Variants in SYNE3 observed in about 807,000 individuals in gnomAD.
The protein encoded by SYNE3 is spectrin repeat containing nuclear envelope family member 3.
Under a neutral mutation model 111.2 loss-of-function variants are expected in SYNE3, and 100 were observed. The ratio of observed to expected loss-of-function variants is 0.90; its 90% CI spans 0.77 to 1.06. SYNE3 has a LOEUF of 1.06. Among genes scored for constraint, SYNE3 ranks in the 50% least tolerant of loss-of-function variants. SYNE3 has a pLI of 0.00. For synonymous variants in SYNE3, 547 were observed against 533.9 expected (o/e 1.02, Z -0.34); for missense variants, 1,160 against 1,240.3 (o/e 0.94, Z 0.97).
Position 95,467,934 on chromosome 14 carries a change from T to G in SYNE3, c.178A>C (p.Arg60=). The change falls in exon 3 of 18, where the codon AGG becomes CGG. Residue 60 remains arginine (R), a synonymous_variant. Transcript: ENST00000682763. ...GCCATCCGTAGCACGAGGTCCACCC[T>G]CACACGCCCCTCGGGCTCCAGCTGG... ...ICQLEPEGRV[R]VDLVLRMAEA... The G allele has an allele frequency of 6.2e-7, 1 of 1,613,460 alleles. No individual in the cohort carries two copies. The highest frequency in any genetic ancestry group is 8.5e-7 in the Non-Finnish European group (1 of 1,179,518).
At chr14:95,440,750 T>C (rs575125303) in intron 11 of SYNE3, among the ~76,000 whole-genome samples, 2 of 152,258 alleles carry the variant, frequency 1.3e-5, no homozygotes, top group East Asian at 3.9e-4. Context: ...GCGGGAAGCA[T>C]GAAGTCAGAG....
chr14:95,419,284 A>C (rs760372997), intron 17 of SYNE3, among the ~76,000 whole-genome samples: 1 of 152,134 alleles, frequency 6.6e-6, no homozygotes, highest in Non-Finnish European at 1.5e-5. Flanking sequence ...CAGCTATGTG[A>C]CCTTGGGCAA....
At position 95,414,681 on chromosome 14, in the gene SYNE3, T is replaced by TGA. The variant is rs1360395365; in HGVS notation, c.*3144_*3145insTC. 4 of 135,484 alleles carry TGA rather than the reference T, an allele frequency of 3.0e-5. No individual in the cohort carries two copies. Among genetic ancestry groups the TGA allele is most frequent in the African/African-American group, 5.9e-5 (2 of 33,644 alleles). 8.4% of individuals were successfully genotyped at this position (135,484 alleles called of 1,614,324 possible). A position where few individuals can be genotyped will look rare whatever the true frequency, so the allele number is the denominator to read the frequency against. ...CTCCTCTCCTTCCCTCCTCTCTCTC[T>TGA]CTCTGACACACACACACACACACAC... On this transcript the variant is annotated 3_prime_UTR_variant, in exon 18 of 18. Transcript: ENST00000682763.
At chr14:95,427,528 A>C (rs1052070824) in intron 17 of SYNE3, among the ~76,000 whole-genome samples, 15 of 152,136 alleles carry the variant, frequency 9.9e-5, no homozygotes, top group Non-Finnish European at 4.4e-5. Context: ...TGAAAGTACT[A>C]AAAGTCTCTG....
intron 1 of SYNE3, among the ~76,000 whole-genome samples, chr14:95,495,559 T>G (rs562446663): frequency 6.6e-6 from 1 of 152,294 alleles, no homozygotes; most frequent in South Asian, 2.1e-4. Flanking sequence ...AAGGCCCCCA[T>G]CAACCTTCAA....
rs1042381653 is a variant in SYNE3, at chr14:95,470,997, A to G, written c.145-3030T>C. On this transcript the variant is annotated intron_variant, in intron 2 of 17. Coordinates refer to ENST00000682763, the MANE Select transcript of SYNE3 (RefSeq NM_152592.6). This position sits in a 1 kb window ranked among gnomAD's most constrained non-coding sequence, Gnocchi z 4.2. ...GCCGTCTCAGGAAAAAAAAAAAAAG[A>G]AAGTAAGATGATATTTCTGATTCCC... Among the ~76,000 whole-genome samples the G allele has an allele frequency of 2.3e-5, 2 of 86,570 alleles. No homozygotes were observed. Among genetic ancestry groups the G allele is most frequent in the Admixed American group, 1.0e-4 (1 of 9,804 alleles). The allele number at this position is 86,570 out of a possible 152,430, so 56.8% of individuals were successfully genotyped here.
Position 95,408,862 on chromosome 14 carries a change from C to T in SYNE3, c.*8964G>A, listed in dbSNP as rs779489668. On this transcript the variant is annotated 3_prime_UTR_variant, in exon 18 of 18. Coordinates refer to ENST00000682763, the MANE Select transcript of SYNE3 (RefSeq NM_152592.6). ...AGAGACCGCGCAAAGCCAACTCTGT[C>T]CTCTGCCTGCCCCCGCAAGGGCTGG... 1 of 339,070 alleles carries T rather than the reference C, an allele frequency of 2.9e-6. No individual in the cohort carries two copies. The highest frequency in any genetic ancestry group is 4.0e-5 in the Admixed American group (1 of 25,006). The allele number at this position is 339,070 out of a possible 1,614,324, so 21.0% of individuals were successfully genotyped here.
At chr14:95,453,517 C>A (rs2139432215) in intron 6 of SYNE3, among the ~76,000 whole-genome samples, 1 of 152,314 alleles carries the variant, frequency 6.6e-6, no homozygotes, top group South Asian at 2.1e-4. Context: ...CCCAGCCAGC[C>A]CTGTTCATTC....
At position 95,493,035 on chromosome 14, in the gene SYNE3, G is replaced by C. The variant is rs112294918; in HGVS notation, c.-14-17200C>G. ...CTTAAAAATACACCCACCAAAGGCTGCCAAGATTCTTGAACACCTTCAGTG... is the reference window on the plus strand; with the variant it reads ...CTTAAAAATACACCCACCAAAGGCTCCCAAGATTCTTGAACACCTTCAGTG... On this transcript the variant is annotated intron_variant, in intron 1 of 17. Coordinates refer to ENST00000682763, the MANE Select transcript of SYNE3 (RefSeq NM_152592.6). 6.3e-3 allele frequency among the ~76,000 whole-genome samples: 965 copies of C among 152,222 alleles called. 14 individuals are homozygous for C. Among genetic ancestry groups the C allele is most frequent in the African/African-American group, 0.022 (916 of 41,532 alleles).
Position 95,503,914 on chromosome 14 carries a change from C to T in SYNE3, c.-15+12682G>A, listed in dbSNP as rs138225781. 8.5e-4 allele frequency among the ~76,000 whole-genome samples: 129 copies of T among 152,218 alleles called. 1 individual carries two copies. Among genetic ancestry groups the T allele is most frequent in the African/African-American group, 2.8e-3 (116 of 41,524 alleles). ...GGTTCCAGGTGTGAGCCACTGTGCC[C>T]GGCCAGACCTACGTTTTTAAGAACT... is the stretch of plus-strand genomic sequence containing the variant. On this transcript the variant is annotated intron_variant, in intron 1 of 17. Coordinates refer to ENST00000682763, the MANE Select transcript of SYNE3 (RefSeq NM_152592.6).
intron 10 of SYNE3, chr14:95,443,642 G>A (rs1207058851): frequency 1.5e-5 from 3 of 204,004 alleles, no homozygotes; most frequent in South Asian, 3.3e-4. Context: ...AACCCAAAAT[G>A]CACTATTTTT....
At chr14:95,440,897 G>A (rs1009627986) in intron 11 of SYNE3, among the ~76,000 whole-genome samples, 4 of 152,176 alleles carry the variant, frequency 2.6e-5, no homozygotes, top group African/African-American at 9.7e-5. Context: ...TAATCGAGCT[G>A]CACACTCAGA....
chr14:95,455,505 T>C lies in SYNE3; in HGVS notation c.1009A>G (p.Ile337Val). Residue 337 changes from isoleucine to valine, a missense_variant, in exon 6 of 18, where the codon ATT (isoleucine) becomes GTT (valine). Physicochemically the swap from Ile to Val is conservative, Grantham distance 29. Transcript: ENST00000682763. ...LRSRGAWEQQ[I>V]KQLEAELSEF... The stretch of plus-strand genomic sequence containing the variant: ...CTGAGCTCAGCCTCCAGCTGCTTAA[T>C]CTGCTGCTCCCAGGCTCCCCTGGAC... The C allele has an allele frequency of 6.2e-7, 1 of 1,613,896 alleles. No individual in the cohort carries two copies. The highest frequency in any genetic ancestry group is 1.7e-5 in the Admixed American group (1 of 60,028).
intron 17 of SYNE3, among the ~76,000 whole-genome samples, chr14:95,425,373 C>T (rs934158498): frequency 7.9e-5 from 12 of 152,152 alleles, no homozygotes; most frequent in Admixed American, 3.3e-4. Flanking sequence ...ATGAATCCAG[C>T]CATAGGACGT....
intron 1 of SYNE3, among the ~76,000 whole-genome samples, chr14:95,479,696 G>A (rs1053293763): frequency 6.6e-6 from 1 of 152,228 alleles, no homozygotes; most frequent in East Asian, 1.9e-4. Flanking sequence ...CAGTAAGGCA[G>A]CTACAGTGAG....
At chr14:95,457,396 C>T in intron 4 of SYNE3, 58 bp from the exon 5 acceptor site, 1 of 1,584,130 alleles carries the variant, frequency 6.3e-7, no homozygotes. Flanking sequence ...AGCCCAAAGG[C>T]CAGAAAGCCC....
intron 1 of SYNE3, among the ~76,000 whole-genome samples, chr14:95,491,638 C>T (rs138545219): frequency 1.1e-3 from 160 of 152,218 alleles, no homozygotes; most frequent in Admixed American, 3.9e-3. Context: ...AGAAAACATA[C>T]GCATCAATCT....
Position 95,447,570 on chromosome 14 carries a change from G to A in SYNE3, c.1450-1479C>T, listed in dbSNP as rs185168661. ...ACTGAAGACAGGCCTTGAAGGGCAG[G>A]TGTTTCTGGAAGAGGCAGTGTAACC... is the stretch of plus-strand genomic sequence containing the variant. On this transcript the variant is annotated intron_variant, in intron 8 of 17. Coordinates refer to ENST00000682763, the MANE Select transcript of SYNE3 (RefSeq NM_152592.6). Among the ~76,000 whole-genome samples, 307 of 152,352 alleles carry A rather than the reference G, an allele frequency of 2.0e-3. 3 individuals are homozygous for A. Among genetic ancestry groups the A allele is most frequent in the African/African-American group, 6.9e-3 (289 of 41,584 alleles).
At chr14:95,465,809 G>T in intron 4 of SYNE3, 122 bp downstream of exon 4, 1 of 1,099,948 alleles carries the variant, frequency 9.1e-7, no homozygotes, top group Non-Finnish European at 1.3e-6. Flanking sequence ...ATTGATAGTA[G>T]AAAGATAGAT....
Sources: allele counts gnomAD v4.1 joint callset (sites outside exome capture counted in the v4.1 genomes callset), GRCh38; gene constraint gnomAD v4.1.1; non-coding constraint Gnocchi (gnomAD v3.1); transcripts MANE v1.5; gene names NCBI Gene and HGNC (gene_info 2026-07-23, HGNC 2026-07-21).